The following MCPH1 variants were observed in gnomAD, a reference collection of about 807,000 sequenced individuals.
MCPH1 encodes the protein microcephalin 1.
MCPH1 carries 104 observed loss-of-function variants against 84.5 expected under a neutral mutation model. The ratio of observed to expected loss-of-function variants is 1.23; its 90% CI spans 1.05 to 1.45. The LOEUF (loss-of-function observed/expected upper bound fraction) is 1.45. Among genes scored for constraint, MCPH1 ranks in the 40% most tolerant of loss-of-function variants. The probability of loss-of-function intolerance (pLI) is 0.00; values close to 1 mark genes in which losing one functional copy is unlikely to be tolerated. For missense variants in MCPH1, 1,498 were observed against 1,005.7 expected (o/e 1.49, Z -6.62); for synonymous variants, 514 against 366.8 (o/e 1.40, Z -4.58).
intron 3 of MCPH1, among the ~76,000 whole-genome samples, chr8:6,427,374 C>A (rs1391200167): frequency 6.6e-6 from 1 of 152,020 alleles, no homozygotes; most frequent in African/African-American, 2.4e-5. Flanking sequence ...TTAACTGATA[C>A]TATAACGTTT....
chr8:6,529,745 C>G (rs374967048), intron 12 of MCPH1, among the ~76,000 whole-genome samples: 1 of 150,030 alleles, frequency 6.7e-6, no homozygotes. Flanking sequence ...GATTATAGAT[C>G]TGAGCAAGCG....
chr8:6,446,394 G>C, intron 8 of MCPH1: 6 of 985,228 alleles, frequency 6.1e-6, no homozygotes, highest in Non-Finnish European at 7.2e-6. Context: ...CCTCTTTGAA[G>C]GTGGAGAAGT....
intron 5 of MCPH1, 40 bp downstream of exon 5, chr8:6,436,202 C>T: frequency 6.3e-7 from 1 of 1,598,860 alleles, no homozygotes; most frequent in Non-Finnish European, 8.5e-7. Context: ...GCATTTGTGT[C>T]CATACACCTT....
At chr8:6,534,260 A>G (rs1324164399) in intron 12 of MCPH1, among the ~76,000 whole-genome samples, 4 of 152,248 alleles carry the variant, frequency 2.6e-5, no homozygotes, top group Non-Finnish European at 5.9e-5. Context: ...ACAATACAGT[A>G]TAGCAACTAT....
intron 9 of MCPH1, among the ~76,000 whole-genome samples, chr8:6,473,348 T>TA (rs1212013213): frequency 4.4e-4 from 33 of 74,634 alleles, no homozygotes; most frequent in Non-Finnish European, 5.9e-4. Context: ...TTTTTTTTTT[T>TA]GAGACGGAGT....
intron 12 of MCPH1, among the ~76,000 whole-genome samples, chr8:6,568,129 G>T (rs1344112527): frequency 6.6e-6 from 1 of 152,186 alleles, no homozygotes; most frequent in Non-Finnish European, 1.5e-5. Context: ...GTGTTACAAA[G>T]AATCTCGTGG....
intron 12 of MCPH1, chr8:6,508,522 T>C (rs1295788647): frequency 8.1e-6 from 2 of 245,538 alleles, no homozygotes; most frequent in African/African-American, 4.5e-5. Context: ...TCTTTGAACA[T>C]TAAATTATTA....
intron 12 of MCPH1, among the ~76,000 whole-genome samples, chr8:6,613,001 A>G (rs1291630975): frequency 6.6e-6 from 1 of 152,238 alleles, no homozygotes; most frequent in African/African-American, 2.4e-5. Context: ...GACAAACGGG[A>G]CAGAAGGAAG....
At chr8:6,455,396 G>T in intron 9 of MCPH1, 144 bp downstream of exon 9, 1 of 677,986 alleles carries the variant, frequency 1.5e-6, no homozygotes, top group South Asian at 1.7e-5. Context: ...GGAAAACTCA[G>T]AATATGAAAC....
chr8:6,480,110 T>C lies in MCPH1; in HGVS notation c.1974-604T>C, dbSNP rs185663960. Reference sequence around the variant, plus strand: ...TGATGTCAGGGGCCTGGTTCCTTTTTTTCTTTTTTCTTTTTTTCTTTTTTT... The same window carrying C: ...TGATGTCAGGGGCCTGGTTCCTTTTCTTCTTTTTTCTTTTTTTCTTTTTTT... On this transcript the variant is annotated intron_variant, in intron 10 of 13. Coordinates refer to ENST00000344683, the MANE Select transcript of MCPH1 (RefSeq NM_024596.5). Among the ~76,000 whole-genome samples the C allele has an allele frequency of 9.1e-4, 137 of 151,252 alleles. 1 individual carries two copies. Among genetic ancestry groups the C allele is most frequent in the African/African-American group, 3.3e-3 (135 of 41,270 alleles).
chr8:6,520,032 G>A (rs1817015917), intron 12 of MCPH1: 1 of 1,605,808 alleles, frequency 6.2e-7, no homozygotes, highest in Admixed American at 1.7e-5. Context: ...CGGAGTTCAT[G>A]AAAAGACAAA....
In MCPH1 at chr8:6,562,746, A is replaced by G. The variant is rs746143846; in HGVS notation, c.2215-58708A>G. On this transcript the variant is annotated intron_variant, in intron 12 of 13. Transcript: ENST00000344683. ...CGAGCGGCGCGTCCCTCTGCACAGC[A>G]TTGGACACGTAGGGGCTGGAGGAAG... 1.9e-6 allele frequency: 3 copies of G among 1,613,780 alleles called. No individual in the cohort carries two copies. In the Admixed American group the frequency reaches 5.0e-5, roughly 27 times the overall value.
At chr8:6,441,491 A>T (rs1803503207) in intron 6 of MCPH1, among the ~76,000 whole-genome samples, 1 of 152,132 alleles carries the variant, frequency 6.6e-6, no homozygotes, top group African/African-American at 2.4e-5. Context: ...TTGTTTCTTG[A>T]CTATTGTATG....
At chr8:6,488,825 G>A (rs1810244561) in intron 11 of MCPH1, among the ~76,000 whole-genome samples, 1 of 152,140 alleles carries the variant, frequency 6.6e-6, no homozygotes, top group South Asian at 2.1e-4. Flanking sequence ...TAAGAACAGG[G>A]TGAGAAGCAG....
intron 12 of MCPH1, among the ~76,000 whole-genome samples, chr8:6,554,527 A>G (rs1366375503): frequency 6.6e-6 from 1 of 152,216 alleles, no homozygotes; most frequent in East Asian, 1.9e-4. Context: ...AAAAATTATA[A>G]AATTACATAT....
chr8:6,604,697 G>A (rs1043420618), intron 12 of MCPH1, among the ~76,000 whole-genome samples: 4 of 152,208 alleles, frequency 2.6e-5, no homozygotes, highest in African/African-American at 4.8e-5. Flanking sequence ...TAGAGACAGG[G>A]TTTCACCATG....
chr8:6,532,365 C>G, intron 12 of MCPH1: 1 of 1,614,124 alleles, frequency 6.2e-7, no homozygotes, highest in Non-Finnish European at 8.5e-7. Context: ...TCCGCGTTTG[C>G]TCCGCTGTTT....
intron 9 of MCPH1, among the ~76,000 whole-genome samples, chr8:6,472,265 T>G (rs916114091): frequency 6.6e-6 from 1 of 152,194 alleles, no homozygotes; most frequent in African/African-American, 2.4e-5. Flanking sequence ...AGAGGGGACA[T>G]AAACACCTAT....
chr8:6,600,039 T>C (rs1023580073), intron 12 of MCPH1, among the ~76,000 whole-genome samples: 1 of 152,120 alleles, frequency 6.6e-6, no homozygotes, highest in African/African-American at 2.4e-5. Context: ...AAAGTAACCT[T>C]TTCCCCACAG....
Sources: allele counts gnomAD v4.1 joint callset (sites outside exome capture counted in the v4.1 genomes callset), GRCh38; gene constraint gnomAD v4.1.1; transcripts MANE v1.5; gene names NCBI Gene and HGNC (gene_info 2026-07-23, HGNC 2026-07-21).